The following CDK14 variants were observed in gnomAD, a reference collection of about 807,000 sequenced individuals.
The protein encoded by CDK14 is cyclin dependent kinase 14.
Under a neutral mutation model 60.7 loss-of-function variants are expected in CDK14, and 34 were observed. The observed-to-expected ratio is 0.56, with a 90% CI of 0.43 to 0.75. CDK14 has a LOEUF of 0.75. CDK14 is among the 30% of genes least tolerant of loss of function. CDK14 has a pLI of 0.00. For missense variants in CDK14, 482 were observed against 564.1 expected (o/e 0.85, Z 1.47); for synonymous variants, 197 against 203.7 (o/e 0.97, Z 0.28).
chr7:90,850,945 G>A (rs1790629338), intron 5 of CDK14, among the ~76,000 whole-genome samples: 1 of 152,066 alleles, frequency 6.6e-6, no homozygotes, highest in African/African-American at 2.4e-5. Context: ...ACAACAATCA[G>A]GATATATCTG....
chr7:91,159,796 G>A (rs564751259), intron 14 of CDK14, among the ~76,000 whole-genome samples: 5 of 152,260 alleles, frequency 3.3e-5, no homozygotes, highest in South Asian at 4.1e-4. Flanking sequence ...TTCCCAATGC[G>A]ACTTGGTGGT....
At chr7:90,814,378 C>CT (rs200628363) in intron 5 of CDK14, among the ~76,000 whole-genome samples, 28 of 151,898 alleles carry the variant, frequency 1.8e-4, no homozygotes, top group African/African-American at 2.7e-4. Context: ...TACATCAGAG[C>CT]TTTTTTTTAA....
At chr7:90,619,114 A>C (rs1341446729) in intron 2 of CDK14, among the ~76,000 whole-genome samples, 1 of 152,196 alleles carries the variant, frequency 6.6e-6, no homozygotes, top group Non-Finnish European at 1.5e-5. Context: ...TTCACTTCTC[A>C]GACTGGTGGC....
chr7:91,002,285 G>C (rs578006846), intron 10 of CDK14, among the ~76,000 whole-genome samples: 1 of 152,226 alleles, frequency 6.6e-6, no homozygotes, highest in African/African-American at 2.4e-5. Flanking sequence ...GATGTTTACA[G>C]TATCTCCAAA....
chr7:90,860,973 C>T lies in CDK14; in HGVS notation c.545-2202C>T, dbSNP rs187798778. Among the ~76,000 whole-genome samples, 6 of 152,246 alleles carry T rather than the reference C, an allele frequency of 3.9e-5. No individual in the cohort carries two copies. In the East Asian group the frequency reaches 9.7e-4, roughly 25 times the overall value. ...CTCTGGGTTTTTAGAGGAGTAGATA[C>T]CCAGAGGCCCTGTGTGGAAACTGAG... On this transcript the variant is annotated intron_variant, in intron 5 of 14. Coordinates refer to ENST00000380050, the MANE Select transcript of CDK14 (RefSeq NM_001287135.2).
chr7:90,906,050 A>C (rs1792686702), intron 7 of CDK14, among the ~76,000 whole-genome samples: 1 of 152,164 alleles, frequency 6.6e-6, no homozygotes, highest in African/African-American at 2.4e-5. Flanking sequence ...ATTATTCTCA[A>C]AAAATTCGGA....
chr7:90,813,286 G>A (rs911394702), intron 5 of CDK14, among the ~76,000 whole-genome samples: 1 of 152,170 alleles, frequency 6.6e-6, no homozygotes, highest in Admixed American at 6.5e-5. Flanking sequence ...AGCAAGGATT[G>A]ACAGTGAACT....
intron 14 of CDK14, among the ~76,000 whole-genome samples, chr7:91,174,750 T>G (rs1217312622): frequency 9.4e-6 from 1 of 106,066 alleles, no homozygotes. Context: ...GAAGGGAAGT[T>G]TAGAGAAAAA....
chr7:90,747,145 A>G (rs749834835), intron 3 of CDK14, among the ~76,000 whole-genome samples: 4 of 152,244 alleles, frequency 2.6e-5, no homozygotes, highest in Admixed American at 6.5e-5. Context: ...TTATTTTCAC[A>G]TATCATGAAA....
chr7:91,036,461 G>T (rs1796937778), intron 10 of CDK14, among the ~76,000 whole-genome samples: 1 of 151,950 alleles, frequency 6.6e-6, no homozygotes, highest in Admixed American at 6.5e-5. Context: ...CTTAGATGTG[G>T]ATTTTTTTTC....
chr7:90,913,198 A>C (rs1226139019), intron 7 of CDK14, among the ~76,000 whole-genome samples: 2 of 152,138 alleles, frequency 1.3e-5, no homozygotes, highest in African/African-American at 4.8e-5. Flanking sequence ...TTTAAATTAG[A>C]AAGTTAGGGA....
At chr7:91,174,150 CTGA>C in intron 14 of CDK14, among the ~76,000 whole-genome samples, 2 of 151,990 alleles carry the variant, frequency 1.3e-5, no homozygotes, top group African/African-American at 4.8e-5. Flanking sequence ...TCCCTGACCC[CTGA>C]CCCCTGAGCA....
At chr7:90,620,075 T>C (rs1313630647) in intron 2 of CDK14, among the ~76,000 whole-genome samples, 2 of 152,156 alleles carry the variant, frequency 1.3e-5, no homozygotes, top group African/African-American at 2.4e-5. Context: ...GTTACAAGTA[T>C]GTATATTAAA....
At chr7:91,101,379 A>G (rs529096434) in intron 12 of CDK14, among the ~76,000 whole-genome samples, 1 of 152,318 alleles carries the variant, frequency 6.6e-6, no homozygotes, top group Non-Finnish European at 1.5e-5. Flanking sequence ...GCTGCCTACA[A>G]ATAGCATTAT....
intron 4 of CDK14, among the ~76,000 whole-genome samples, chr7:90,767,128 C>T (rs1804598520): frequency 6.6e-6 from 1 of 152,220 alleles, no homozygotes; most frequent in African/African-American, 2.4e-5. Flanking sequence ...TGCACAGTGT[C>T]AGCAGGGCAA....
At chr7:90,886,194 C>T (rs1452790317) in intron 6 of CDK14, among the ~76,000 whole-genome samples, 1 of 152,002 alleles carries the variant, frequency 6.6e-6, no homozygotes, top group African/African-American at 2.4e-5. Context: ...TGCTTAACAC[C>T]AGCTTTTTTG....
intron 3 of CDK14, among the ~76,000 whole-genome samples, 176 bp downstream of exon 3, chr7:90,726,988 A>G (rs1802660898): frequency 6.6e-6 from 1 of 152,178 alleles, no homozygotes. Context: ...CTCCTTATTT[A>G]TAAGCACTAA....
chr7:91,132,490 A>G (rs961866735), intron 14 of CDK14, among the ~76,000 whole-genome samples: 1 of 152,166 alleles, frequency 6.6e-6, no homozygotes, highest in African/African-American at 2.4e-5. Flanking sequence ...TGTTGCCCAT[A>G]GAGAATATGT....
chr7:90,707,735 T>A (rs188690938), intron 2 of CDK14, among the ~76,000 whole-genome samples: 2 of 152,312 alleles, frequency 1.3e-5, no homozygotes, highest in East Asian at 3.9e-4. Flanking sequence ...ATTCCCCAAA[T>A]GTCCTTCTTC....
Sources: gnomAD v4.1 joint callset for allele counts (sites outside exome capture counted in the v4.1 genomes callset) on GRCh38, gnomAD v4.1.1 for gene constraint, MANE v1.5 for transcripts, NCBI Gene and HGNC (gene_info 2026-07-23, HGNC 2026-07-21) for gene names.